Variants in ADGRV1 observed in about 807,000 individuals in gnomAD.
ADGRV1 encodes adhesion G protein-coupled receptor V1.
Under a neutral mutation model 596.2 loss-of-function variants are expected in ADGRV1, and 359 were observed. The ratio of observed to expected loss-of-function variants is 0.60; its 90% CI spans 0.55 to 0.66. The LOEUF (loss-of-function observed/expected upper bound fraction) is 0.66, where lower values mean the gene tolerates loss of function less well. Ranked by LOEUF, ADGRV1 falls within the 30% of genes least tolerant of loss-of-function variation. ADGRV1 has a pLI of 0.00. For synonymous variants in ADGRV1, 2,681 were observed against 2,679.2 expected (o/e 1.00, Z -0.02); for missense variants, 7,274 against 7,575.6 (o/e 0.96, Z 1.48).
chr5:91,061,479 G>A (rs1787424703), intron 85 of ADGRV1, among the ~76,000 whole-genome samples: 1 of 152,040 alleles, frequency 6.6e-6, no homozygotes, highest in African/African-American at 2.4e-5. Flanking sequence ...CCAGGGATGT[G>A]GGCAATTCTT....
chr5:91,055,322 CAT>C (rs1786740600), intron 85 of ADGRV1, among the ~76,000 whole-genome samples: 1 of 151,754 alleles, frequency 6.6e-6, no homozygotes, highest in Non-Finnish European at 1.5e-5. Context: ...AGTTAAGTGT[CAT>C]ATATGATTTC....
At chr5:90,808,149 G>T (rs1327126217) in intron 73 of ADGRV1, among the ~76,000 whole-genome samples, 1 of 152,158 alleles carries the variant, frequency 6.6e-6, no homozygotes, top group Non-Finnish European at 1.5e-5. Flanking sequence ...GTGGCCCTTT[G>T]ACTTTAATTT....
chr5:90,919,460 T>A (rs1466083595), intron 83 of ADGRV1, among the ~76,000 whole-genome samples: 1 of 152,230 alleles, frequency 6.6e-6, no homozygotes, highest in African/African-American at 2.4e-5. Flanking sequence ...TTGTTCACTT[T>A]ATTTTTCTGG....
intron 83 of ADGRV1, among the ~76,000 whole-genome samples, chr5:90,892,158 C>G (rs760129610): frequency 5.3e-5 from 8 of 151,944 alleles, no homozygotes; most frequent in Non-Finnish European, 1.2e-4. Context: ...AAGTGCTCAC[C>G]TCTCTCAATG....
chr5:90,689,113 C>T (rs936000534), intron 29 of ADGRV1, among the ~76,000 whole-genome samples: 22 of 152,014 alleles, frequency 1.4e-4, no homozygotes, highest in Non-Finnish European at 3.2e-4. Context: ...GGATACTGTG[C>T]TTGATTTAAA....
rs534849620 is a variant in ADGRV1, at chr5:90,877,791, C to T, written c.17856+13934C>T. ...TTACTGCTATCACATATTAAAGACT[C>T]ACAAGACATAAATCAATACAACTTT... is the stretch of plus-strand genomic sequence containing the variant. On this transcript the variant is annotated intron_variant, in intron 83 of 89. Coordinates refer to ENST00000405460, the MANE Select transcript of ADGRV1 (RefSeq NM_032119.4). 2.6e-5 allele frequency among the ~76,000 whole-genome samples: 4 copies of T among 151,200 alleles called. No individual in the cohort carries two copies. The South Asian group carries it at 8.4e-4, about 32-fold the overall frequency.
At chr5:90,658,335 T>C in intron 21 of ADGRV1, 57 bp downstream of exon 21, 2 of 1,442,774 alleles carry the variant, frequency 1.4e-6, no homozygotes, top group South Asian at 1.7e-5. Flanking sequence ...GTGGATTTGT[T>C]TGGGACTCGG....
In ADGRV1 at chr5:90,942,955, C is replaced by T. The variant is rs146141570; in HGVS notation, c.17857-22460C>T. 1.4e-3 allele frequency among the ~76,000 whole-genome samples: 207 copies of T among 152,242 alleles called. 5 individuals are homozygous for T. In the East Asian group the frequency reaches 0.032, roughly 24 times the overall value. On this transcript the variant is annotated intron_variant, in intron 83 of 89. Coordinates refer to ENST00000405460, the MANE Select transcript of ADGRV1 (RefSeq NM_032119.4). ...ATGGAAAAGACCTGTGGACCCAAGT[C>T]ATAGACTCCAGGAAGCCTTTTCTGC... is the stretch of plus-strand genomic sequence containing the variant.
intron 83 of ADGRV1, among the ~76,000 whole-genome samples, chr5:90,952,852 CTG>C (rs1477244822): frequency 6.6e-6 from 1 of 152,018 alleles, no homozygotes; most frequent in Non-Finnish European, 1.5e-5. Flanking sequence ...ACTGGATTGT[CTG>C]TATCAGGACA....
At chr5:91,106,211 G>A (rs1020523244) in intron 87 of ADGRV1, among the ~76,000 whole-genome samples, 7 of 151,988 alleles carry the variant, frequency 4.6e-5, no homozygotes, top group African/African-American at 1.7e-4. Context: ...GACCTTTATT[G>A]AAGAGACTTT....
intron 85 of ADGRV1, among the ~76,000 whole-genome samples, chr5:90,992,120 A>T (rs1219503567): frequency 6.6e-6 from 1 of 152,258 alleles, no homozygotes; most frequent in African/African-American, 2.4e-5. Flanking sequence ...TCTTGAAAGT[A>T]CGCTTCCCCA....
At chr5:91,107,217 C>T (rs1791958335) in intron 87 of ADGRV1, among the ~76,000 whole-genome samples, 1 of 152,040 alleles carries the variant, frequency 6.6e-6, no homozygotes, top group South Asian at 2.1e-4. Context: ...ATAGAGACTG[C>T]AAAGAGAGAA....
intron 85 of ADGRV1, among the ~76,000 whole-genome samples, chr5:91,016,098 C>G (rs1215701772): frequency 1.3e-5 from 2 of 151,902 alleles, no homozygotes; most frequent in South Asian, 2.1e-4. Flanking sequence ...TGAAAAAGAT[C>G]TTATTTCTCC....
chr5:90,713,985 T>C (rs1264055518), intron 42 of ADGRV1, among the ~76,000 whole-genome samples: 1 of 152,180 alleles, frequency 6.6e-6, no homozygotes, highest in Non-Finnish European at 1.5e-5. Flanking sequence ...CAAACCCTTA[T>C]AAAGTTTCAA....
At chr5:91,144,631 T>C (rs571407142) in intron 87 of ADGRV1, among the ~76,000 whole-genome samples, 1 of 152,346 alleles carries the variant, frequency 6.6e-6, no homozygotes, top group Non-Finnish European at 1.5e-5. Flanking sequence ...GAAAGCATTT[T>C]TTATGATTAT....
chr5:90,602,230 T>C (rs1761495243), intron 1 of ADGRV1, among the ~76,000 whole-genome samples: 1 of 152,192 alleles, frequency 6.6e-6, no homozygotes, highest in African/African-American at 2.4e-5. Flanking sequence ...CAGTTTTTAA[T>C]ATGTCGGTAG....
intron 83 of ADGRV1, among the ~76,000 whole-genome samples, chr5:90,939,122 C>A (rs888682957): frequency 6.6e-6 from 1 of 152,174 alleles, no homozygotes; most frequent in Non-Finnish European, 1.5e-5. Flanking sequence ...ATGTTCACTT[C>A]TTCCAGCTTT....
intron 50 of ADGRV1, among the ~76,000 whole-genome samples, chr5:90,743,471 CT>C (rs10942607): frequency 0.35 from 42,110 of 120,470 alleles, 6,026 homozygotes; most frequent in Admixed American, 0.49. Flanking sequence ...CATTTGATAT[CT>C]TTTTTTTTTT....
Position 90,685,817 on chromosome 5 carries a change from T to A in ADGRV1, c.6312T>A (p.Thr2104=), listed in dbSNP as rs1451751276. Residue 2104 remains threonine, a synonymous_variant, in exon 29 of 90, where the codon ACT becomes ACA. Transcript: ENST00000405460. ...NSPRLGPKVE[T]IAQLIIIAND... ...CACGTCTTGGGCCTAAGGTAGAAACTATTGCGCAACTAATTATCATTGCCA... is the reference window on the plus strand; with the variant it reads ...CACGTCTTGGGCCTAAGGTAGAAACAATTGCGCAACTAATTATCATTGCCA... 1 of 1,611,648 alleles carries A rather than the reference T, an allele frequency of 6.2e-7. No individual in the cohort carries two copies. Among genetic ancestry groups the A allele is most frequent in the Non-Finnish European group, 8.5e-7 (1 of 1,178,792 alleles).
Sources: gnomAD v4.1 joint callset for allele counts (sites outside exome capture counted in the v4.1 genomes callset) on GRCh38, gnomAD v4.1.1 for gene constraint, MANE v1.5 for transcripts, NCBI Gene and HGNC (gene_info 2026-07-23, HGNC 2026-07-21) for gene names.